The following MAP3K7 variants were observed in gnomAD, a reference collection of about 807,000 sequenced individuals.
MAP3K7 encodes the protein mitogen-activated protein kinase kinase kinase 7.
Under a neutral mutation model 84.8 loss-of-function variants are expected in MAP3K7, and 21 were observed. That is an observed-to-expected ratio of 0.25 (90% CI 0.18 to 0.36). MAP3K7 has a LOEUF of 0.36. Among genes scored for constraint, MAP3K7 ranks in the 10% least tolerant of loss-of-function variants. The probability of loss-of-function intolerance (pLI) is 1.00; values close to 1 mark genes in which losing one functional copy is unlikely to be tolerated. For synonymous variants in MAP3K7, 241 were observed against 247.7 expected, an observed-to-expected ratio of 0.97 and a Z score of 0.25; for missense variants, 503 against 747.7, an observed-to-expected ratio of 0.67 and a Z score of 3.82.
chr6:90,543,842 C>A (rs1249547989), intron 12 of MAP3K7, among the ~76,000 whole-genome samples: 1 of 152,026 alleles, frequency 6.6e-6, no homozygotes, highest in Non-Finnish European at 1.5e-5. Context: ...AAAATGGTAA[C>A]ATATTCCTCT....
chr6:90,556,357 A>G (rs1485978244), intron 6 of MAP3K7, 143 bp downstream of exon 6: 3 of 783,760 alleles, frequency 3.8e-6, no homozygotes, highest in Non-Finnish European at 5.7e-6. Flanking sequence ...ATAACACTAT[A>G]TTTAATATCC....
chr6:90,576,315 G>A (rs1394677941), intron 1 of MAP3K7, among the ~76,000 whole-genome samples: 2 of 151,578 alleles, frequency 1.3e-5, no homozygotes, highest in Non-Finnish European at 2.9e-5. Context: ...CCCAGCTACT[G>A]GGGAGGCTGA....
intron 13 of MAP3K7, among the ~76,000 whole-genome samples, chr6:90,529,915 A>G (rs1490586813): frequency 6.6e-6 from 1 of 152,238 alleles, no homozygotes; most frequent in African/African-American, 2.4e-5. Context: ...AACACAAGCT[A>G]TTAGCACTCA....
chr6:90,561,760 G>A (rs1417779083), intron 3 of MAP3K7, 93 bp from the exon 4 acceptor site: 2 of 881,624 alleles, frequency 2.3e-6, no homozygotes, highest in African/African-American at 3.4e-5. Context: ...TGATTTTATA[G>A]ATATATTAAA....
intron 11 of MAP3K7, among the ~76,000 whole-genome samples, chr6:90,544,888 C>G (rs1775956735): frequency 6.6e-6 from 1 of 151,824 alleles, no homozygotes; most frequent in Admixed American, 6.6e-5. Flanking sequence ...AGAGACAAAG[C>G]TGCAGGGTAA....
intron 1 of MAP3K7, among the ~76,000 whole-genome samples, 167 bp from the exon 2 acceptor site, chr6:90,571,974 A>T (rs1358640421): frequency 6.6e-6 from 1 of 151,914 alleles, no homozygotes. Flanking sequence ...ACAAGTATGA[A>T]TTTTTGTTAA....
In MAP3K7 at chr6:90,520,899, C is replaced by T. The variant is rs528492395; in HGVS notation, c.1463-1580G>A. ...TGATTTACTAGAAAAATTTAAGTGT[C>T]TTGAAAAAGTTTCAATTTAAGATTT... On this transcript the variant is annotated intron_variant, in intron 14 of 16. Coordinates refer to ENST00000369329, the MANE Select transcript of MAP3K7 (RefSeq NM_145331.3). 2.9e-3 allele frequency among the ~76,000 whole-genome samples: 437 copies of T among 152,134 alleles called. 5 individuals are homozygous for T. The Middle Eastern group carries it at 0.041, about 14-fold the overall frequency.
chr6:90,567,884 T>TA (rs1490779109), intron 3 of MAP3K7, among the ~76,000 whole-genome samples: 2 of 152,088 alleles, frequency 1.3e-5, no homozygotes, highest in Non-Finnish European at 2.9e-5. Context: ...TATGCAGCCA[T>TA]AAAAAAGGAT....
At chr6:90,578,287 T>G (rs2127784048) in intron 1 of MAP3K7, among the ~76,000 whole-genome samples, 1 of 152,290 alleles carries the variant, frequency 6.6e-6, no homozygotes, top group African/African-American at 2.4e-5. Flanking sequence ...TTGTTTGTTT[T>G]TTTGAGACAG....
intron 1 of MAP3K7, among the ~76,000 whole-genome samples, chr6:90,572,187 T>C (rs552461198): frequency 2.1e-4 from 32 of 152,092 alleles, no homozygotes; most frequent in Admixed American, 1.0e-3. Context: ...CAGGAACATA[T>C]AATAAATATT....
chr6:90,577,281 T>A (rs541755922), intron 1 of MAP3K7, among the ~76,000 whole-genome samples: 1 of 152,276 alleles, frequency 6.6e-6, no homozygotes, highest in East Asian at 1.9e-4. Flanking sequence ...GGGATAAGAA[T>A]GATGCAGATT....
At chr6:90,544,516 C>T in intron 12 of MAP3K7, 36 bp downstream of exon 12, 1 of 1,574,950 alleles carries the variant, frequency 6.3e-7, no homozygotes, top group East Asian at 2.2e-5. Context: ...ATTCCGGTTC[C>T]ACAGCTATTA....
intron 13 of MAP3K7, among the ~76,000 whole-genome samples, chr6:90,528,689 G>A (rs976156536): frequency 6.6e-6 from 1 of 152,090 alleles, no homozygotes; most frequent in African/African-American, 2.4e-5. Context: ...GGCATGCAAT[G>A]CATAATAATC....
chr6:90,544,731 T>C, intron 11 of MAP3K7, 99 bp from the exon 12 acceptor site: 1 of 955,696 alleles, frequency 1.0e-6, no homozygotes. Context: ...AAATAGTTCA[T>C]GTTAATAACA....
chr6:90,578,054 C>T (rs573668567), intron 1 of MAP3K7, among the ~76,000 whole-genome samples: 2 of 152,140 alleles, frequency 1.3e-5, no homozygotes, highest in Admixed American at 6.5e-5. Flanking sequence ...TTGAAATAAC[C>T]GAATTAATCT....
chr6:90,574,140 G>A (rs1392349404), intron 1 of MAP3K7, among the ~76,000 whole-genome samples: 1 of 152,198 alleles, frequency 6.6e-6, no homozygotes, highest in Admixed American at 6.5e-5. Flanking sequence ...TAGAAGTGCT[G>A]ACATTTTCCT....
At chr6:90,517,593 G>C in intron 16 of MAP3K7, among the ~76,000 whole-genome samples, 1 of 151,740 alleles carries the variant, frequency 6.6e-6, no homozygotes, top group East Asian at 1.9e-4. Context: ...AGTGCCAGCA[G>C]TTTGATAATT....
At chr6:90,517,857 C>CT (rs1258909172) in intron 16 of MAP3K7, among the ~76,000 whole-genome samples, 5 of 151,660 alleles carry the variant, frequency 3.3e-5, no homozygotes, top group African/African-American at 1.2e-4. Context: ...TTCCTTATCA[C>CT]TTCATTTTAG....
At chr6:90,521,820 G>A in intron 14 of MAP3K7, among the ~76,000 whole-genome samples, 1 of 151,974 alleles carries the variant, frequency 6.6e-6, no homozygotes, top group East Asian at 1.9e-4. Context: ...AATAGGAACT[G>A]AAGAGCGCTT....
Sources: gnomAD v4.1 joint callset for allele counts (sites outside exome capture counted in the v4.1 genomes callset) on GRCh38, gnomAD v4.1.1 for gene constraint, MANE v1.5 for transcripts, NCBI Gene and HGNC (gene_info 2026-07-23, HGNC 2026-07-21) for gene names.